Variants in KIF26A observed in about 807,000 individuals in gnomAD.
The protein encoded by KIF26A is kinesin-like protein KIF26A.
KIF26A carries 74 observed loss-of-function variants against 126.0 expected under a neutral mutation model. The observed-to-expected ratio is 0.59, with a 90% CI of 0.49 to 0.71. The LOEUF is 0.71. KIF26A is among the 30% of genes least tolerant of loss of function. KIF26A has a pLI of 0.00. For synonymous variants in KIF26A, 1,445 were observed against 1,232.7 expected (o/e 1.17, Z -3.61); for missense variants, 2,984 against 2,763.3 (o/e 1.08, Z -1.79).
In KIF26A at chr14:104,175,319, T is replaced by C. The variant is rs771341859; in HGVS notation, c.2531T>C (p.Leu844Pro). The change falls in exon 12 of 15, where the codon CTG becomes CCG. Residue 844 changes from leucine to proline, a missense_variant. Transcript: ENST00000423312. The part of the protein sequence containing the change: ...DHFRCSTFAE[L>P]QERLECMDGN... ...TTCCGCTGCAGCACCTTCGCGGAGC[T>C]GCAGGAGCGGCTGGAATGCATGGAC... The C allele has an allele frequency of 6.2e-7, 1 of 1,604,372 alleles. No homozygotes were observed. The highest frequency in any genetic ancestry group is 1.1e-5 in the South Asian group (1 of 90,944).
At chr14:104,164,242 C>T (rs11160789) in intron 4 of KIF26A, among the ~76,000 whole-genome samples, 41,309 of 146,026 alleles carry the variant, frequency 0.28, 7,003 homozygotes, top group East Asian at 0.42. Context: ...CGTGAGAGGC[C>T]GAGGGCTGTG....
At chr14:104,174,896 C>A in intron 11 of KIF26A, 86 bp from the exon 12 acceptor site, 2 of 1,352,620 alleles carry the variant, frequency 1.5e-6, no homozygotes, top group Non-Finnish European at 2.0e-6. Context: ...GTGACCGCAG[C>A]ATTGGCCCTG....
Position 104,171,116 on chromosome 14 carries a change from C to T in KIF26A, c.1114-607C>T, listed in dbSNP as rs147352533. 4.1e-4 allele frequency among the ~76,000 whole-genome samples: 63 copies of T among 152,346 alleles called. 1 individual carries two copies. The East Asian group carries it at 0.011, about 28-fold the overall frequency. On this transcript the variant is annotated intron_variant, in intron 5 of 14. Coordinates refer to ENST00000423312, the MANE Select transcript of KIF26A (RefSeq NM_015656.2). Reference sequence around the variant, plus strand: ...TGGATGGGATCCTTCTTATCTTGCCCGTCCCCGTTTGCATTCGAATGGGCT... The same window carrying T: ...TGGATGGGATCCTTCTTATCTTGCCTGTCCCCGTTTGCATTCGAATGGGCT...
intron 3 of KIF26A, among the ~76,000 whole-genome samples, chr14:104,153,316 G>A (rs2141096182): frequency 6.6e-6 from 1 of 152,232 alleles, no homozygotes; most frequent in Middle Eastern, 3.4e-3. Flanking sequence ...GTACGCCGAG[G>A]CTCACTGGAG....
At chr14:104,145,618 A>AT (rs80274876) in intron 2 of KIF26A, among the ~76,000 whole-genome samples, 2 of 276 alleles carry the variant, frequency 7.2e-3, no homozygotes, top group Middle Eastern at 0.5. Flanking sequence ...TTTCTGGCGG[A>AT]GGTGCCGCAT....
chr14:104,152,614 C>T lies in KIF26A; in HGVS notation c.735+153C>T, dbSNP rs2037741201. Among the ~76,000 whole-genome samples, 3 of 152,188 alleles carry T rather than the reference C, an allele frequency of 2.0e-5. No individual in the cohort carries two copies. The highest frequency in any genetic ancestry group is 7.2e-5 in the African/African-American group (3 of 41,448). On this transcript the variant is annotated intron_variant, in intron 3 of 14. Transcript: ENST00000423312. This position sits in a 1 kb window ranked among gnomAD's most constrained non-coding sequence, Gnocchi z 5.9. Reference sequence around the variant, plus strand: ...GGGGGTTCCTGACACTCCTGAGGCCCCACATCAGATGCACCCTTGATGGTG... The same window carrying T: ...GGGGGTTCCTGACACTCCTGAGGCCTCACATCAGATGCACCCTTGATGGTG...
chr14:104,168,304 C>T (rs1047425326), intron 5 of KIF26A, among the ~76,000 whole-genome samples: 2 of 152,218 alleles, frequency 1.3e-5, no homozygotes, highest in African/African-American at 2.4e-5. Flanking sequence ...CCCCTGCCCG[C>T]CCGGTGATGT....
At chr14:104,163,598 C>T (rs1400355717) in intron 4 of KIF26A, among the ~76,000 whole-genome samples, 1 of 150,812 alleles carries the variant, frequency 6.6e-6, no homozygotes, top group Non-Finnish European at 1.5e-5. Flanking sequence ...GTGCCATTGC[C>T]TCCCCTTGCA....
Position 104,167,053 on chromosome 14 carries a change from A to G in KIF26A, c.1113+5A>G. 1 of 1,533,268 alleles carries G rather than the reference A, an allele frequency of 6.5e-7. No individual in the cohort carries two copies. The highest frequency in any genetic ancestry group is 8.8e-7 in the Non-Finnish European group (1 of 1,137,890). The allele number at this position is 1,533,268 out of a possible 1,614,324, so 95.0% of individuals were successfully genotyped here. On this transcript the variant is annotated splice_donor_5th_base_variant and intron_variant, in intron 5 of 14. Transcript: ENST00000423312. Reference sequence around the variant, plus strand: ...AACCCTGGCAGCATCGGGAAGGTAGACGCAGCCCCGAGTTCGGGGCCCTGG... The same window carrying G: ...AACCCTGGCAGCATCGGGAAGGTAGGCGCAGCCCCGAGTTCGGGGCCCTGG...
Position 104,176,349 on chromosome 14 carries a change from A to T in KIF26A, c.3561A>T (p.Arg1187=). Reference sequence around the variant, plus strand: ...AAGTGGCTGCAGTGGCCCCATCCCGACCCGGCAGGGAGCCCCAGGCCGGGC... The same window carrying T: ...AAGTGGCTGCAGTGGCCCCATCCCGTCCCGGCAGGGAGCCCCAGGCCGGGC... The part of the protein sequence containing the change: ...PGEVAAVAPS[R]PGREPQAGPS... The change falls in exon 12 of 15, where the codon CGA becomes CGT. Residue 1187 remains arginine (R), a synonymous_variant. Coordinates refer to ENST00000423312, the MANE Select transcript of KIF26A (RefSeq NM_015656.2). The T allele has an allele frequency of 6.3e-7, 1 of 1,581,866 alleles. No homozygotes were observed. The highest frequency in any genetic ancestry group is 8.6e-7 in the Non-Finnish European group (1 of 1,160,802).
rs1362390876 is a variant in KIF26A, at chr14:104,175,131, C to T, written c.2343C>T (p.Ser781=). ...TGCCCGGTGACCCCGATTACTCCTC[C>T]AGCAGCGAGCAGTCCTGTGACACGG... The part of the protein sequence containing the change: ...PCLPGDPDYS[S]SSEQSCDTVI... The change falls in exon 12 of 15, where the codon TCC becomes TCT. Residue 781 remains serine, a synonymous_variant. Coordinates refer to ENST00000423312, the MANE Select transcript of KIF26A (RefSeq NM_015656.2). 5 of 1,606,916 alleles carry T rather than the reference C, an allele frequency of 3.1e-6. No individual in the cohort carries two copies. Among genetic ancestry groups the T allele is most frequent in the Non-Finnish European group, 3.4e-6 (4 of 1,177,712 alleles).
chr14:104,166,798 C>G, intron 4 of KIF26A, 61 bp from the exon 5 acceptor site: 3 of 1,414,500 alleles, frequency 2.1e-6, no homozygotes, highest in Non-Finnish European at 2.8e-6. Flanking sequence ...GACTCGCAGG[C>G]GGGTGACAGG....
chr14:104,176,232 C>A lies in KIF26A; in HGVS notation c.3444C>A (p.Ala1148=), dbSNP rs370292389. The stretch of plus-strand genomic sequence containing the variant: ...GGCTTGACCCTGGGGGCCCCCCTGC[C>A]CTGGATGGTTCCCTGGGGGATGGAA... ...LAGLDPGGPP[A]LDGSLGDGSS... Residue 1148 remains alanine, a synonymous_variant, in exon 12 of 15, where the codon GCC becomes GCA. Transcript: ENST00000423312. 1.9e-6 allele frequency: 3 copies of A among 1,601,546 alleles called. No homozygotes were observed. Among genetic ancestry groups the A allele is most frequent in the Middle Eastern group, 1.7e-4 (1 of 5,996 alleles).
Position 104,171,706 on chromosome 14 carries a change from G to T in KIF26A, c.1114-17G>T, listed in dbSNP as rs778311000. ...GGGCGGAGGCAGCTTCTCAGGTGCC[G>T]CCCACCTCTGCCCCAGGTGAAGGTT... On this transcript the variant is annotated splice_polypyrimidine_tract_variant and intron_variant, in intron 5 of 14. Transcript: ENST00000423312. 12 of 1,544,424 alleles carry T rather than the reference G, an allele frequency of 7.8e-6. No homozygotes were observed. Among genetic ancestry groups the T allele is most frequent in the East Asian group, 7.3e-5 (3 of 41,364 alleles).
At chr14:104,140,184 C>T (rs966540687) in intron 2 of KIF26A, among the ~76,000 whole-genome samples, 1 of 152,118 alleles carries the variant, frequency 6.6e-6, no homozygotes, top group Non-Finnish European at 1.5e-5. Context: ...TGGGGCAGGG[C>T]AGGGTGGGGC....
Position 104,175,120 on chromosome 14 carries a change from G to C in KIF26A, c.2332G>C (p.Asp778His). The C allele has an allele frequency of 1.2e-6, 2 of 1,606,180 alleles. No individual in the cohort carries two copies. The highest frequency in any genetic ancestry group is 1.7e-6 in the Non-Finnish European group (2 of 1,177,444). Residue 778 changes from aspartate to histidine, a missense_variant, in exon 12 of 15, where the codon GAT (aspartate) becomes CAT (histidine). By Grantham distance (81) the Asp-to-His change is moderately conservative. Transcript: ENST00000423312. ...RTPPCLPGDP[D>H]YSSSSEQSCD... ...GCCTCCCTGCCTGCCCGGTGACCCCGATTACTCCTCCAGCAGCGAGCAGTC... is the reference window on the plus strand; with the variant it reads ...GCCTCCCTGCCTGCCCGGTGACCCCCATTACTCCTCCAGCAGCGAGCAGTC...
Position 104,151,215 on chromosome 14 carries a change from G to A in KIF26A, c.289-800G>A, listed in dbSNP as rs939466258. ...GAAGCCTTCCCTGACTCTGAGGCTGGGTGAGGCGCATCCTCCTCTGGGTTC... is the reference window on the plus strand; with the variant it reads ...GAAGCCTTCCCTGACTCTGAGGCTGAGTGAGGCGCATCCTCCTCTGGGTTC... On this transcript the variant is annotated intron_variant, in intron 2 of 14. Transcript: ENST00000423312. The surrounding 1 kb of genome is among the most constrained non-coding windows in gnomAD (Gnocchi z 4.9). Among the ~76,000 whole-genome samples, 1 of 152,194 alleles carries A rather than the reference G, an allele frequency of 6.6e-6. No homozygotes were observed. Among genetic ancestry groups the A allele is most frequent in the Non-Finnish European group, 1.5e-5 (1 of 68,028 alleles).
chr14:104,163,537 T>C (rs973414458), intron 4 of KIF26A, among the ~76,000 whole-genome samples: 8 of 151,508 alleles, frequency 5.3e-5, no homozygotes, highest in Non-Finnish European at 1.2e-4. Context: ...CTGGCGATGC[T>C]GGGTGAGGTC....
intron 5 of KIF26A, among the ~76,000 whole-genome samples, chr14:104,167,534 G>A (rs555762760): frequency 2.0e-5 from 3 of 152,170 alleles, no homozygotes; most frequent in South Asian, 2.1e-4. Context: ...GCCGCCTGTG[G>A]AGGGCACAGG....
Sources: gnomAD v4.1 joint callset for allele counts (sites outside exome capture counted in the v4.1 genomes callset) on GRCh38, gnomAD v4.1.1 for gene constraint, Gnocchi (gnomAD v3.1) non-coding constraint, MANE v1.5 for transcripts, NCBI Gene and HGNC (gene_info 2026-07-23, HGNC 2026-07-21) for gene names.